THSD7B: variants seen among roughly 807,000 people sequenced by gnomAD.
The protein encoded by THSD7B is thrombospondin type 1 domain containing 7B, also known as thrombospondin type-1 domain-containing protein 7B.
Under a neutral mutation model 213.6 loss-of-function variants are expected in THSD7B, and 138 were observed. The observed-to-expected ratio is 0.65, with a 90% CI of 0.56 to 0.74. The LOEUF is 0.74. THSD7B is among the 30% of genes least tolerant of loss of function. The probability of loss-of-function intolerance (pLI) is 0.00; values close to 1 mark genes in which losing one functional copy is unlikely to be tolerated. For synonymous variants in THSD7B, 742 were observed against 687.0 expected, an observed-to-expected ratio of 1.08 and a Z score of -1.25; for missense variants, 1,931 against 1,991.5, an observed-to-expected ratio of 0.97 and a Z score of 0.58.
chr2:136,986,693 C>G (rs931914394), intron 2 of THSD7B, among the ~76,000 whole-genome samples: 5 of 151,918 alleles, frequency 3.3e-5, no homozygotes, highest in African/African-American at 7.3e-5. Context: ...CGCTAGTGTT[C>G]CCATGATTTT....
chr2:137,354,965 A>G (rs1685096518), intron 12 of THSD7B, among the ~76,000 whole-genome samples: 2 of 152,202 alleles, frequency 1.3e-5, no homozygotes, highest in South Asian at 4.1e-4. Context: ...AATAAAAAGA[A>G]TAGCAAGGGA....
chr2:137,584,045 G>T (rs533900086), intron 17 of THSD7B, among the ~76,000 whole-genome samples: 2 of 152,064 alleles, frequency 1.3e-5, no homozygotes, highest in Non-Finnish European at 2.9e-5. Context: ...CCTTGAAGAG[G>T]TCCTTCACAT....
At chr2:137,488,428 C>T (rs1238968346) in intron 15 of THSD7B, among the ~76,000 whole-genome samples, 1 of 151,998 alleles carries the variant, frequency 6.6e-6, no homozygotes, top group Non-Finnish European at 1.5e-5. Context: ...TGAGAAAAGG[C>T]ACTTTGAGTT....
chr2:136,852,031 G>C (rs769975262), intron 1 of THSD7B, among the ~76,000 whole-genome samples: 3 of 151,920 alleles, frequency 2.0e-5, no homozygotes, highest in African/African-American at 2.4e-5. Flanking sequence ...AAGAGACTTT[G>C]AAGATTTAAT....
intron 5 of THSD7B, among the ~76,000 whole-genome samples, chr2:137,155,568 G>T (rs931628885): frequency 1.3e-5 from 2 of 152,204 alleles, no homozygotes; most frequent in Admixed American, 6.5e-5. Flanking sequence ...CCCAACTTTA[G>T]GTGACCCAGG....
At chr2:136,962,679 C>T (rs561961854) in intron 2 of THSD7B, among the ~76,000 whole-genome samples, 1 of 152,102 alleles carries the variant, frequency 6.6e-6, no homozygotes, top group Non-Finnish European at 1.5e-5. Context: ...AGAAACTACT[C>T]CTAGGCTTTA....
chr2:137,618,579 G>C, intron 19 of THSD7B, 72 bp downstream of exon 19: 1 of 1,325,826 alleles, frequency 7.5e-7, no homozygotes, highest in South Asian at 1.3e-5. Flanking sequence ...GTTCCATGAT[G>C]TCCAATATAG....
At chr2:136,863,558 C>T (rs76767520) in intron 1 of THSD7B, among the ~76,000 whole-genome samples, 3,447 of 152,220 alleles carry the variant, frequency 0.023, 68 homozygotes, top group South Asian at 0.065. Context: ...TGAAATCAGC[C>T]GAAAGATGGC....
chr2:136,766,535 G>T (rs1021724517), intron 1 of THSD7B, among the ~76,000 whole-genome samples: 1 of 152,162 alleles, frequency 6.6e-6, no homozygotes, highest in Non-Finnish European at 1.5e-5. Context: ...TTTGGTGACC[G>T]CGTATTTTGA....
intron 1 of THSD7B, among the ~76,000 whole-genome samples, chr2:136,766,984 T>G (rs199724782): frequency 1.1e-5 from 1 of 90,128 alleles, no homozygotes; most frequent in South Asian, 4.8e-4. Flanking sequence ...GTGTGTGTGT[T>G]TGTGTGTGTG....
chr2:137,170,187 C>T (rs1680217728), intron 6 of THSD7B, among the ~76,000 whole-genome samples: 1 of 152,040 alleles, frequency 6.6e-6, no homozygotes, highest in African/African-American at 2.4e-5. Context: ...CAATCATTGA[C>T]CCATGTCTAG....
chr2:137,043,197 T>C (rs1339293484), intron 2 of THSD7B, among the ~76,000 whole-genome samples: 2 of 152,234 alleles, frequency 1.3e-5, no homozygotes, highest in Non-Finnish European at 2.9e-5. Flanking sequence ...TCATTTTCTT[T>C]AACTTACTTT....
chr2:137,243,689 G>A (rs898971910), intron 10 of THSD7B, among the ~76,000 whole-genome samples: 7 of 152,138 alleles, frequency 4.6e-5, no homozygotes, highest in Non-Finnish European at 8.8e-5. Context: ...AGCCAATATT[G>A]ACATAGATCT....
intron 15 of THSD7B, among the ~76,000 whole-genome samples, chr2:137,515,407 C>T (rs1330280478): frequency 2.6e-5 from 4 of 152,178 alleles, no homozygotes; most frequent in African/African-American, 9.7e-5. Context: ...ATTGATTCTC[C>T]TCAGGACCCT....
chr2:137,513,925 A>G (rs1047210881), intron 15 of THSD7B, among the ~76,000 whole-genome samples: 2 of 152,192 alleles, frequency 1.3e-5, no homozygotes, highest in African/African-American at 2.4e-5. Context: ...ATTTATTTTT[A>G]TAAGTTATAA....
chr2:137,500,832 A>G (rs1016759002), intron 15 of THSD7B, among the ~76,000 whole-genome samples: 1 of 152,206 alleles, frequency 6.6e-6, no homozygotes, highest in Non-Finnish European at 1.5e-5. Flanking sequence ...AGGTCAGTCA[A>G]TGCCTCCTTA....
intron 1 of THSD7B, among the ~76,000 whole-genome samples, chr2:136,810,893 A>G (rs1356891501): frequency 6.6e-6 from 1 of 152,138 alleles, no homozygotes; most frequent in Non-Finnish European, 1.5e-5. Flanking sequence ...GAGTTCCTTC[A>G]TAGGGGTATC....
intron 12 of THSD7B, among the ~76,000 whole-genome samples, chr2:137,317,164 G>A (rs1233232573): frequency 6.6e-6 from 1 of 151,876 alleles, no homozygotes; most frequent in East Asian, 1.9e-4. Context: ...TCTTTGTTCA[G>A]GTATTATTTT....
At chr2:136,989,325 C>A (rs573023407) in intron 2 of THSD7B, among the ~76,000 whole-genome samples, 45 of 152,276 alleles carry the variant, frequency 3.0e-4, no homozygotes, top group African/African-American at 9.9e-4. Context: ...GCAGATCCCT[C>A]ATGAATGGCT....
Sources: gnomAD v4.1 joint callset for allele counts (sites outside exome capture counted in the v4.1 genomes callset) on GRCh38, gnomAD v4.1.1 for gene constraint, MANE v1.5 for transcripts, NCBI Gene and HGNC (gene_info 2026-07-23, HGNC 2026-07-21) for gene names.